Variants in FGF13 observed in about 807,000 individuals in gnomAD.
The protein encoded by FGF13 is fibroblast growth factor 13, also known as fibroblast growth factor homologous factor 2.
Under a neutral mutation model 19.5 loss-of-function variants are expected in FGF13, and 2 were observed. That is an observed-to-expected ratio of 0.10 (90% CI 0.04 to 0.32). The LOEUF (loss-of-function observed/expected upper bound fraction) is 0.32, where lower values mean the gene tolerates loss of function less well. Among genes scored for constraint, FGF13 ranks in the 10% least tolerant of loss-of-function variants. The pLI is 1.00. For synonymous variants in FGF13, 72 were observed against 76.9 expected (o/e 0.94, Z 0.33); for missense variants, 113 against 192.7 (o/e 0.59, Z 2.45).
intron 1 of FGF13, among the ~76,000 whole-genome samples, chrX:138,961,303 C>T (rs1478254577): frequency 9.0e-6 from 1 of 111,532 alleles, no homozygotes; most frequent in Non-Finnish European, 1.9e-5. Context: ...TGCTGGAGGT[C>T]CACTCCAGAC....
At chrX:139,204,225 T>G (rs2084444745), upstream of FGF13, 6 of 681,363 alleles carry the variant, frequency 8.8e-6, no homozygotes, top group Non-Finnish European at 1.2e-5. Context: ...TCGGTGTGGT[T>G]CGGGGCGGAA....
At chrX:138,682,924 C>A (rs1052353429) in intron 3 of FGF13, among the ~76,000 whole-genome samples, 7 of 111,591 alleles carry the variant, frequency 6.3e-5, no homozygotes, top group Non-Finnish European at 1.3e-4. Context: ...GAATTGTTAG[C>A]AGATGAAACA....
At chrX:138,933,900 A>C (rs1158376389) in intron 1 of FGF13, among the ~76,000 whole-genome samples, 1 of 111,973 alleles carries the variant, frequency 8.9e-6, no homozygotes, top group Non-Finnish European at 1.9e-5. Context: ...GATTTGCAGA[A>C]CCAGCCATAG....
intron 3 of FGF13, among the ~76,000 whole-genome samples, chrX:138,814,977 G>C (rs888985625): frequency 9.0e-6 from 1 of 111,497 alleles, no homozygotes; most frequent in Non-Finnish European, 1.9e-5. Context: ...ATAAAATGTG[G>C]TCTATATACA....
At chrX:138,798,453 A>T (rs1423029038) in intron 3 of FGF13, among the ~76,000 whole-genome samples, 1 of 111,771 alleles carries the variant, frequency 8.9e-6, no homozygotes, top group African/African-American at 3.3e-5. Flanking sequence ...GTGTTGCTGG[A>T]TTCGGTTTAC....
chrX:139,060,714 G>T (rs1199370367), intron 1 of FGF13, among the ~76,000 whole-genome samples: 2 of 110,982 alleles, frequency 1.8e-5, no homozygotes, highest in African/African-American at 3.3e-5. Context: ...TTCATTTAAC[G>T]TATATACTTG....
chrX:138,960,681 A>G (rs1403808869), intron 1 of FGF13, among the ~76,000 whole-genome samples: 2 of 111,538 alleles, frequency 1.8e-5, no homozygotes, highest in Admixed American at 9.5e-5. Context: ...CGATAGTCCC[A>G]TATTTCTTGG....
At chrX:139,124,930 T>TGTGAG (rs753589327) in intron 1 of FGF13, among the ~76,000 whole-genome samples, 1,720 of 111,619 alleles carry the variant, frequency 0.015, 30 homozygotes, top group African/African-American at 0.052. Flanking sequence ...ATGGTTCCCC[T>TGTGAG]AGGAAGAGGG....
At chrX:138,849,149 T>C (rs2091205318) in intron 3 of FGF13, among the ~76,000 whole-genome samples, 1 of 111,467 alleles carries the variant, frequency 9.0e-6, no homozygotes, top group Admixed American at 9.6e-5. Flanking sequence ...TTTCCCAAAG[T>C]GTTACTTGGA....
intron 1 of FGF13, among the ~76,000 whole-genome samples, chrX:139,028,770 C>CT (rs1397403222): frequency 9.2e-6 from 1 of 109,141 alleles, no homozygotes; most frequent in Non-Finnish European, 1.9e-5. Context: ...CACAGGAGCA[C>CT]TTTAATCAAA....
At chrX:138,854,819 T>C (rs1259374279), downstream of FGF13, among the ~76,000 whole-genome samples, 1 of 111,569 alleles carries the variant, frequency 9.0e-6, no homozygotes, top group Non-Finnish European at 1.9e-5. Context: ...CAATGTATGG[T>C]TTAACCACCC....
chrX:138,984,523 G>GAAGAACAAGAAGAAGAAGAA (rs2091979498), intron 1 of FGF13, among the ~76,000 whole-genome samples: 1 of 31,578 alleles, frequency 3.2e-5, no homozygotes, highest in African/African-American at 1.2e-4. Flanking sequence ...AAGAAGAAGA[G>GAAGAACAAGAAGAAGAAGAA]GAAGAAGAAG....
intron 3 of FGF13, among the ~76,000 whole-genome samples, chrX:138,658,072 G>T (rs1304729404): frequency 8.9e-6 from 1 of 112,187 alleles, no homozygotes; most frequent in African/African-American, 3.2e-5. Context: ...TGTAATGGCA[G>T]AACCTTACTG....
chrX:138,693,534 C>A (rs1189023858), intron 3 of FGF13, among the ~76,000 whole-genome samples: 2 of 111,509 alleles, frequency 1.8e-5, no homozygotes, highest in African/African-American at 6.5e-5. Context: ...ATTACCCATA[C>A]AAACCATTAG....
intron 1 of FGF13, among the ~76,000 whole-genome samples, chrX:138,971,504 G>T (rs1312981116): frequency 9.0e-6 from 1 of 111,612 alleles, no homozygotes; most frequent in African/African-American, 3.3e-5. Context: ...TAAGTCCCTT[G>T]TCAGACATAT....
chrX:138,652,082 T>C (rs770743081), intron 3 of FGF13, among the ~76,000 whole-genome samples: 5 of 111,904 alleles, frequency 4.5e-5, no homozygotes, highest in Non-Finnish European at 9.4e-5. Context: ...TTTGATCTTA[T>C]GTATCATTTG....
At chrX:139,063,101 C>G (rs948418980) in intron 1 of FGF13, among the ~76,000 whole-genome samples, 1 of 111,723 alleles carries the variant, frequency 9.0e-6, no homozygotes, top group Non-Finnish European at 1.9e-5. Flanking sequence ...AAGGAGGTAA[C>G]AAATCTTGCA....
At chrX:138,972,828 A>G (rs537561939) in intron 1 of FGF13, among the ~76,000 whole-genome samples, 2 of 110,848 alleles carry the variant, frequency 1.8e-5, no homozygotes, top group African/African-American at 3.3e-5. Context: ...GTCTATTTAG[A>G]TCTTTTGTCC....
intron 3 of FGF13, among the ~76,000 whole-genome samples, chrX:138,812,902 T>C (rs1180201309): frequency 2.7e-5 from 3 of 110,712 alleles, no homozygotes; most frequent in African/African-American, 9.9e-5. Context: ...TCTGTGTCCA[T>C]GTGTTCTCAG....
Sources: allele counts gnomAD v4.1 joint callset (sites outside exome capture counted in the v4.1 genomes callset), GRCh38; gene constraint gnomAD v4.1.1; transcripts MANE v1.5; gene names NCBI Gene and HGNC (gene_info 2026-07-23, HGNC 2026-07-21).